The following BFSP1 variants were observed in gnomAD, a reference collection of about 807,000 sequenced individuals.
The protein encoded by BFSP1 is filensin.
A neutral mutation model predicts 43.9 loss-of-function variants in BFSP1; 38 were observed. That is an observed-to-expected ratio of 0.87 (90% CI 0.67 to 1.14). The LOEUF is 1.14. Among genes scored for constraint, BFSP1 ranks in the 50% most tolerant of loss-of-function variants. BFSP1 has a pLI of 0.00. For missense variants in BFSP1, 850 were observed against 875.1 expected, an observed-to-expected ratio of 0.97 and a Z score of 0.36; for synonymous variants, 352 against 354.8, an observed-to-expected ratio of 0.99 and a Z score of 0.09.
chr20:17,535,516 C>T (rs538088484), upstream of BFSP1, among the ~76,000 whole-genome samples: 81 of 152,134 alleles, frequency 5.3e-4, no homozygotes, highest in African/African-American at 1.9e-3. Flanking sequence ...GGCAACAGAG[C>T]GAGACTTCAT....
At chr20:17,500,465 G>A (rs1373458857) in intron 5 of BFSP1, among the ~76,000 whole-genome samples, 1 of 152,144 alleles carries the variant, frequency 6.6e-6, no homozygotes, top group Non-Finnish European at 1.5e-5. Flanking sequence ...GGAGCCATAC[G>A]TTCACTCACA....
Position 17,507,470 on chromosome 20 carries a change from T to A in BFSP1, c.735+1419A>T, listed in dbSNP as rs1020606953. On this transcript the variant is annotated intron_variant, in intron 5 of 7. Coordinates refer to ENST00000377873, the MANE Select transcript of BFSP1 (RefSeq NM_001195.5). The surrounding 1 kb of genome is among the most constrained non-coding windows in gnomAD (Gnocchi z 4.4). ...TCAATTCTACTGAGTTCATTTTACATCCAAAAATGAGTTGTCACTAGCCAT... is the reference window on the plus strand; with the variant it reads ...TCAATTCTACTGAGTTCATTTTACAACCAAAAATGAGTTGTCACTAGCCAT... Among the ~76,000 whole-genome samples, 3 of 152,122 alleles carry A rather than the reference T, an allele frequency of 2.0e-5. No individual in the cohort carries two copies. Among genetic ancestry groups the A allele is most frequent in the African/African-American group, 4.8e-5 (2 of 41,410 alleles).
chr20:17,514,213 C>T (rs574095515), intron 3 of BFSP1, among the ~76,000 whole-genome samples: 1 of 152,286 alleles, frequency 6.6e-6, no homozygotes, highest in East Asian at 1.9e-4. Context: ...TTAGGCCACT[C>T]ACCCATAGTC....
chr20:17,516,448 G>A (rs2034203501), intron 2 of BFSP1, among the ~76,000 whole-genome samples: 1 of 152,210 alleles, frequency 6.6e-6, no homozygotes, highest in Admixed American at 6.5e-5. Context: ...GAAGGATCCT[G>A]AAATTCTGAC....
intron 1 of BFSP1, among the ~76,000 whole-genome samples, chr20:17,540,047 G>C (rs201934): frequency 0.21 from 31,350 of 152,006 alleles, 3,448 homozygotes; most frequent in Non-Finnish European, 0.23. Context: ...CCCCTCAACG[G>C]CCCCTCAGAC....
At chr20:17,566,167 G>A (rs1477423626) in intron 1 of BFSP1, among the ~76,000 whole-genome samples, 1 of 150,512 alleles carries the variant, frequency 6.6e-6, no homozygotes, top group African/African-American at 2.4e-5. Flanking sequence ...AGGGATAGGA[G>A]ATAGGAAATA....
At chr20:17,508,792 T>A in intron 5 of BFSP1, 97 bp downstream of exon 5, 3 of 1,148,318 alleles carry the variant, frequency 2.6e-6, no homozygotes, top group Non-Finnish European at 3.6e-6. Context: ...ATGTTCAGCG[T>A]GTGACAGCTC....
At chr20:17,511,881 C>T (rs948285920) in intron 4 of BFSP1, 95 bp downstream of exon 4, 25 of 1,079,638 alleles carry the variant, frequency 2.3e-5, no homozygotes, top group African/African-American at 2.2e-4. Flanking sequence ...CCCTGGTGGC[C>T]GCCCTCACAG....
chr20:17,539,082 C>A (rs1314213875), intron 1 of BFSP1, among the ~76,000 whole-genome samples: 5 of 148,034 alleles, frequency 3.4e-5, no homozygotes, highest in Admixed American at 2.7e-4. Flanking sequence ...TGGGCACATG[C>A]ATCCATGAAT....
Position 17,514,775 on chromosome 20 carries a change from C to T in BFSP1, c.480G>A (p.Leu160=). 1 of 1,614,064 alleles carries T rather than the reference C, an allele frequency of 6.2e-7. No homozygotes were observed. Among genetic ancestry groups the T allele is most frequent in the East Asian group, 2.2e-5 (1 of 44,880 alleles). Residue 160 remains leucine (L), a synonymous_variant, in exon 3 of 8, where the codon CTG becomes CTA. Coordinates refer to ENST00000377873, the MANE Select transcript of BFSP1 (RefSeq NM_001195.5). The part of the protein sequence containing the change: ...EALLHNLRLQ[L]EAQFLQDDIS... ...TATCATCTTGCAGAAATTGGGCTTC[C>T]AGCTGAAGGCGTAGGTTATGCAGCA...
At chr20:17,542,443 A>G (rs1307419038) in intron 1 of BFSP1, among the ~76,000 whole-genome samples, 1 of 151,712 alleles carries the variant, frequency 6.6e-6, no homozygotes, top group African/African-American at 2.4e-5. Context: ...AAAAAAAAAA[A>G]AAAAAATTCA....
chr20:17,523,769 C>T (rs571242790), intron 2 of BFSP1, among the ~76,000 whole-genome samples: 26 of 151,738 alleles, frequency 1.7e-4, no homozygotes, highest in Non-Finnish European at 3.7e-4. Context: ...TACGTGCTCA[C>T]GCGCAGAGGG....
intron 1 of BFSP1, among the ~76,000 whole-genome samples, chr20:17,539,376 T>C (rs953646028): frequency 1.3e-5 from 2 of 151,872 alleles, no homozygotes; most frequent in Admixed American, 1.3e-4. Flanking sequence ...CCTCCCCAGG[T>C]ATTGGGATTA....
At chr20:17,500,476 T>A (rs138176714) in intron 5 of BFSP1, among the ~76,000 whole-genome samples, 2 of 152,350 alleles carry the variant, frequency 1.3e-5, no homozygotes, top group Non-Finnish European at 2.9e-5. Flanking sequence ...TTCACTCACA[T>A]GTCTGTGAGG....
rs779116949 is a variant in BFSP1, at chr20:17,494,324, G to A, written c.1748C>T (p.Pro583Leu). ...CAMVTPGAEE[P>L]SIPEPPKPAA... ...AGGCTTTGGAGGCTCAGGTATAGAT[G>A]GTTCCTCTGCACCGGGTGTGACCAT... Residue 583 changes from proline (P) to leucine (L), a missense_variant, in exon 8 of 8, where the codon CCA becomes CTA. By Grantham distance (98) the Pro-to-Leu change is moderately conservative. Coordinates refer to ENST00000377873, the MANE Select transcript of BFSP1 (RefSeq NM_001195.5). 40 of 1,613,980 alleles carry A rather than the reference G, an allele frequency of 2.5e-5. No individual in the cohort carries two copies. In the South Asian group the frequency reaches 4.4e-4, roughly 18 times the overall value.
At chr20:17,545,942 A>C (rs2034793580) in intron 1 of BFSP1, among the ~76,000 whole-genome samples, 2 of 152,208 alleles carry the variant, frequency 1.3e-5, no homozygotes, top group Non-Finnish European at 2.9e-5. Context: ...TTGCTTTCTG[A>C]AAATGTGCTA....
chr20:17,558,164 T>TC (rs1342263918), intron 1 of BFSP1, among the ~76,000 whole-genome samples: 1 of 151,598 alleles, frequency 6.6e-6, no homozygotes, highest in Non-Finnish European at 1.5e-5. Flanking sequence ...TTTTCCTTTT[T>TC]TTTTTTAGGA....
rs1291902477 is a variant in BFSP1, at chr20:17,499,004, C to A, written c.772G>T (p.Glu258Ter). 5.6e-6 allele frequency: 9 copies of A among 1,614,050 alleles called. No individual in the cohort carries two copies. The highest frequency in any genetic ancestry group is 7.6e-6 in the Non-Finnish European group (9 of 1,180,046). ...AGCTGAATCTCATCGTCATAACACT[C>A]ATGGGCACTTTTAATAGCTTGTTCC... ...TLEQAIKSAHECYDDEIQLYN... is the reference protein window; with the variant it reads ...TLEQAIKSAH Residue 258 changes from glutamate to a stop codon, truncating the protein, a stop_gained, in exon 6 of 8, where the codon GAG becomes TAG. Coordinates refer to ENST00000377873, the MANE Select transcript of BFSP1 (RefSeq NM_001195.5). LOFTEE classifies it high-confidence loss of function.
intron 2 of BFSP1, among the ~76,000 whole-genome samples, chr20:17,520,210 G>GCGCCCCCCCCCCCCCCC (rs201615265): frequency 1.5e-5 from 2 of 133,426 alleles, no homozygotes; most frequent in African/African-American, 5.9e-5. Context: ...GTTTTAACGT[G>GCGCCCCCCCCCCCCCCC]CCCCCCCACC....
Sources: gnomAD v4.1 joint callset for allele counts (sites outside exome capture counted in the v4.1 genomes callset) on GRCh38, gnomAD v4.1.1 for gene constraint, Gnocchi (gnomAD v3.1) non-coding constraint, MANE v1.5 for transcripts, NCBI Gene and HGNC (gene_info 2026-07-23, HGNC 2026-07-21) for gene names.